The following RAPGEF1 variants were observed in gnomAD, a reference collection of about 807,000 sequenced individuals.
The protein encoded by RAPGEF1 is CRK SH3-binding GNRP.
In RAPGEF1, 33 loss-of-function variants were observed where a neutral mutation model predicts 143.3. The observed-to-expected ratio is 0.23, with a 90% confidence interval of 0.17 to 0.31. The LOEUF (loss-of-function observed/expected upper bound fraction) is 0.31. RAPGEF1 is among the 10% of genes least tolerant of loss of function. The probability of loss-of-function intolerance (pLI) is 1.00; values close to 1 mark genes in which losing one functional copy is unlikely to be tolerated. For synonymous variants in RAPGEF1, 629 were observed against 676.5 expected (o/e 0.93, Z 1.09); for missense variants, 1,199 against 1,645.4 (o/e 0.73, Z 4.69).
At chr9:131,739,557 T>A (rs1190493234) in intron 1 of RAPGEF1, among the ~76,000 whole-genome samples, 1 of 149,550 alleles carries the variant, frequency 6.7e-6, no homozygotes, top group East Asian at 2.0e-4. Context: ...GCCCGGCCCC[T>A]GGCGCCCCCG....
intron 12 of RAPGEF1, among the ~76,000 whole-genome samples, chr9:131,615,837 C>T (rs1255683046): frequency 6.6e-6 from 1 of 152,176 alleles, no homozygotes; most frequent in Non-Finnish European, 1.5e-5. Flanking sequence ...GCCCCCACGA[C>T]CCTGTCCTTG....
At chr9:131,730,454 G>A (rs185147941) in intron 1 of RAPGEF1, among the ~76,000 whole-genome samples, 11 of 151,430 alleles carry the variant, frequency 7.3e-5, no homozygotes, top group African/African-American at 2.7e-4. Context: ...CTGAGGCGGC[G>A]GATCACAAGG....
chr9:131,679,274 C>A (rs909505794), intron 1 of RAPGEF1, among the ~76,000 whole-genome samples: 1 of 152,224 alleles, frequency 6.6e-6, no homozygotes, highest in South Asian at 2.1e-4. Flanking sequence ...AAGGGGCCAG[C>A]CCCTGTCCTC....
At chr9:131,600,943 C>T (rs977194525) in intron 15 of RAPGEF1, among the ~76,000 whole-genome samples, 3 of 151,950 alleles carry the variant, frequency 2.0e-5, no homozygotes, top group African/African-American at 7.2e-5. Flanking sequence ...ATCATGAGGT[C>T]GGGAGATTGA....
intron 1 of RAPGEF1, among the ~76,000 whole-genome samples, chr9:131,652,895 C>G (rs1971452625): frequency 1.3e-5 from 2 of 152,076 alleles, no homozygotes; most frequent in Middle Eastern, 3.2e-3. Context: ...ATATTTACAC[C>G]AGCATCACCA....
intron 12 of RAPGEF1, among the ~76,000 whole-genome samples, chr9:131,608,638 TG>T (rs1957500651): frequency 6.6e-6 from 1 of 152,200 alleles, no homozygotes; most frequent in African/African-American, 2.4e-5. Flanking sequence ...GCTCACGTTC[TG>T]GTATTCAAGC....
chr9:131,660,084 C>G (rs1973617153), intron 1 of RAPGEF1, among the ~76,000 whole-genome samples: 1 of 152,204 alleles, frequency 6.6e-6, no homozygotes, highest in African/African-American at 2.4e-5. Context: ...TCGCAAAGTG[C>G]TGGGATTACA....
At chr9:131,615,226 C>A (rs1329533869) in intron 12 of RAPGEF1, among the ~76,000 whole-genome samples, 1 of 152,226 alleles carries the variant, frequency 6.6e-6, no homozygotes, top group Non-Finnish European at 1.5e-5. Context: ...GCGCCCGCCA[C>A]CATGCCTGGC....
At chr9:131,593,306 C>A (rs1954671353) in intron 17 of RAPGEF1, among the ~76,000 whole-genome samples, 2 of 152,186 alleles carry the variant, frequency 1.3e-5, no homozygotes, top group South Asian at 4.1e-4. Flanking sequence ...GTGGTGACAC[C>A]TTCTCAACTG....
chr9:131,624,918 A>G (rs184936166), intron 10 of RAPGEF1, among the ~76,000 whole-genome samples: 5 of 152,380 alleles, frequency 3.3e-5, no homozygotes, highest in African/African-American at 9.6e-5. Context: ...GATACATGAC[A>G]TCATCGCAGC....
At chr9:131,632,770 C>T (rs1047635533) in intron 5 of RAPGEF1, among the ~76,000 whole-genome samples, 1 of 152,092 alleles carries the variant, frequency 6.6e-6, no homozygotes, top group African/African-American at 2.4e-5. Context: ...GTAAACAAAG[C>T]CAAATCAAGA....
At chr9:131,580,421 T>G in intron 25 of RAPGEF1, 30 bp from the exon 26 acceptor site, 2 of 1,605,808 alleles carry the variant, frequency 1.2e-6, no homozygotes, top group Non-Finnish European at 1.7e-6. Context: ...AGCCTGTTAC[T>G]GCTACGGGGT....
At chr9:131,719,403 ATAC>A (rs1836094204) in intron 1 of RAPGEF1, among the ~76,000 whole-genome samples, 1 of 152,092 alleles carries the variant, frequency 6.6e-6, no homozygotes, top group Non-Finnish European at 1.5e-5. Context: ...ACGTGTACTT[ATAC>A]TACTAGAAAA....
At chr9:131,708,276 ACTT>A (rs1192392012) in intron 1 of RAPGEF1, among the ~76,000 whole-genome samples, 2 of 152,220 alleles carry the variant, frequency 1.3e-5, no homozygotes, top group Non-Finnish European at 2.9e-5. Flanking sequence ...TGCTACCGCA[ACTT>A]CTTCTGGCAA....
At chr9:131,710,061 G>A (rs182479804) in intron 1 of RAPGEF1, 126 of 556,474 alleles carry the variant, frequency 2.3e-4, no homozygotes, top group Non-Finnish European at 2.5e-4. Context: ...ACTTTTCTCC[G>A]CAGGAGAAAT....
At chr9:131,625,780 G>C (rs1962819819) in intron 10 of RAPGEF1, 142 bp downstream of exon 10, 3 of 1,138,272 alleles carry the variant, frequency 2.6e-6, no homozygotes, top group African/African-American at 1.6e-5. Flanking sequence ...CTGGCTCCCA[G>C]AAGTGTCCAC....
intron 16 of RAPGEF1, 128 bp downstream of exon 16, chr9:131,598,071 G>C: frequency 2.7e-6 from 2 of 746,988 alleles, no homozygotes; most frequent in Middle Eastern, 4.7e-4. Context: ...CTCACCAGGG[G>C]CATTGAAAGA....
rs116458295 is a variant in RAPGEF1 at position 131,731,180 on chromosome 9, C to T, written c.61+8590G>A. 3.3e-3 allele frequency among the ~76,000 whole-genome samples: 496 copies of T among 152,318 alleles called. 5 individuals carry two copies. Among genetic ancestry groups the T allele is most frequent in the African/African-American group, 0.011 (471 of 41,558 alleles). ...TCCTCTGTAGGATGAGAACAGTTAA[C>T]AGTACCTTTCTCCTATTGTAAGGAT... On this transcript the variant is annotated intron_variant, in intron 1 of 26. Transcript: ENST00000683357.
Position 131,584,467 on chromosome 9 carries a change from C to T in RAPGEF1, c.3312+51G>A. ...AGGAGGGCAGGCGGGTCCCGGGCTC[C>T]CAGAGCAGGGACTGATGATGGGGGC... is the stretch of plus-strand genomic sequence containing the variant. On this transcript the variant is annotated intron_variant, in intron 23 of 26. Coordinates refer to ENST00000683357, the MANE Select transcript of RAPGEF1 (RefSeq NM_001377935.1). This position sits in a 1 kb window ranked among gnomAD's most constrained non-coding sequence, Gnocchi z 6.8. 1 of 1,612,850 alleles carries T rather than the reference C, an allele frequency of 6.2e-7. No homozygotes were observed. The highest frequency in any genetic ancestry group is 1.6e-4 in the Middle Eastern group (1 of 6,062).
Sources: gnomAD v4.1 joint callset for allele counts (sites outside exome capture counted in the v4.1 genomes callset) on GRCh38, gnomAD v4.1.1 for gene constraint, Gnocchi (gnomAD v3.1) non-coding constraint, MANE v1.5 for transcripts, NCBI Gene and HGNC (gene_info 2026-07-23, HGNC 2026-07-21) for gene names.